ARSB: variants seen among roughly 807,000 people sequenced by gnomAD.
ARSB encodes N-acetylgalactosamine-4-sulfatase.
ARSB carries 41 observed loss-of-function variants against 50.9 expected under a neutral mutation model. The ratio of observed to expected loss-of-function variants is 0.81; its 90% confidence interval spans 0.63 to 1.04. The LOEUF (loss-of-function observed/expected upper bound fraction) is 1.04, where lower values mean the gene tolerates loss of function less well. Among genes scored for constraint, ARSB ranks in the 50% least tolerant of loss-of-function variants. The probability of loss-of-function intolerance (pLI) is 0.00; values close to 1 mark genes in which losing one functional copy is unlikely to be tolerated. For missense variants in ARSB, 672 were observed against 693.3 expected (o/e 0.97, Z 0.35); for synonymous variants, 269 against 284.8 (o/e 0.94, Z 0.56).
upstream of ARSB, chr5:78,985,380 C>T: frequency 1.1e-6 from 1 of 900,468 alleles, no homozygotes. Flanking sequence ...CGTGGGCTTG[C>T]GAGGCCGGGC....
At chr5:78,920,364 C>T (rs765922575) in intron 4 of ARSB, among the ~76,000 whole-genome samples, 40 of 152,076 alleles carry the variant, frequency 2.6e-4, no homozygotes, top group Non-Finnish European at 5.4e-4. Context: ...AGCAACATAG[C>T]AAGACTGTCT....
At chr5:78,955,753 T>C (rs539357576) in intron 3 of ARSB, among the ~76,000 whole-genome samples, 5 of 152,258 alleles carry the variant, frequency 3.3e-5, no homozygotes, top group South Asian at 2.1e-4. Context: ...CCAAAGAGGA[T>C]ACACAAAAGG....
chr5:78,971,103 C>T (rs1752435825), intron 1 of ARSB, among the ~76,000 whole-genome samples: 2 of 152,220 alleles, frequency 1.3e-5, no homozygotes, highest in African/African-American at 4.8e-5. Context: ...TTCAAAGGCC[C>T]TGAGACCTGA....
chr5:78,958,436 A>T lies in ARSB; in HGVS notation c.691-2934T>A, dbSNP rs117131699. Among the ~76,000 whole-genome samples the T allele has an allele frequency of 2.8e-4, 42 of 151,412 alleles. No homozygotes were observed. In the East Asian group the frequency reaches 8.1e-3, roughly 29 times the overall value. Reference sequence around the variant, plus strand: ...GGGAGTTCTTGAACAATGACCAGGGAAAAAAAGATTTGGGGATCATTATTA... The same window carrying T: ...GGGAGTTCTTGAACAATGACCAGGGTAAAAAAGATTTGGGGATCATTATTA... On this transcript the variant is annotated intron_variant, in intron 3 of 7. Transcript: ENST00000264914.
intron 5 of ARSB, among the ~76,000 whole-genome samples, chr5:78,871,313 T>A (rs1207417000): frequency 6.6e-6 from 1 of 152,156 alleles, no homozygotes; most frequent in Non-Finnish European, 1.5e-5. Context: ...TGGAAAAAAC[T>A]ACTTTCAAGT....
intron 1 of ARSB, among the ~76,000 whole-genome samples, chr5:78,975,812 C>A (rs923793690): frequency 6.6e-6 from 1 of 152,188 alleles, no homozygotes; most frequent in Non-Finnish European, 1.5e-5. Flanking sequence ...TTGTCCAACA[C>A]TGAGTGCTTC....
intron 6 of ARSB, among the ~76,000 whole-genome samples, chr5:78,836,760 G>A (rs1744971840): frequency 6.6e-6 from 1 of 152,146 alleles, no homozygotes; most frequent in African/African-American, 2.4e-5. Context: ...GTCCGTCCTT[G>A]CATTGTTATA....
chr5:78,938,796 T>C (rs1750752227), intron 4 of ARSB, among the ~76,000 whole-genome samples: 1 of 152,230 alleles, frequency 6.6e-6, no homozygotes, highest in Non-Finnish European at 1.5e-5. Flanking sequence ...AAATCACATG[T>C]AATATTGTGA....
At chr5:78,859,854 C>G (rs1187677213) in intron 5 of ARSB, among the ~76,000 whole-genome samples, 1 of 152,024 alleles carries the variant, frequency 6.6e-6, no homozygotes, top group Non-Finnish European at 1.5e-5. Context: ...TGGAAGAGAT[C>G]AGGCATGAGA....
At chr5:78,930,826 T>G (rs1355405575) in intron 4 of ARSB, among the ~76,000 whole-genome samples, 1 of 152,244 alleles carries the variant, frequency 6.6e-6, no homozygotes, top group Non-Finnish European at 1.5e-5. Flanking sequence ...CTCATGCTTC[T>G]GAAAGCAATG....
At chr5:78,812,835 ACAAAAAT>A (rs1400581098) in intron 6 of ARSB, among the ~76,000 whole-genome samples, 2 of 152,008 alleles carry the variant, frequency 1.3e-5, no homozygotes, top group Non-Finnish European at 2.9e-5. Flanking sequence ...TCTACAAAAT[ACAAAAAT>A]TAACCGGGCA....
chr5:78,874,779 A>G (rs1747410666), intron 5 of ARSB, among the ~76,000 whole-genome samples: 1 of 152,202 alleles, frequency 6.6e-6, no homozygotes, highest in Admixed American at 6.5e-5. Context: ...TGATGTGGAC[A>G]ACAAGAAAGA....
At chr5:78,956,497 G>A (rs1751733980) in intron 3 of ARSB, among the ~76,000 whole-genome samples, 1 of 152,096 alleles carries the variant, frequency 6.6e-6, no homozygotes, top group Non-Finnish European at 1.5e-5. Flanking sequence ...TACTTTAAAT[G>A]AGTGAATTTT....
intron 5 of ARSB, among the ~76,000 whole-genome samples, chr5:78,852,920 G>A (rs1745906362): frequency 6.6e-6 from 1 of 152,098 alleles, no homozygotes; most frequent in South Asian, 2.1e-4. Context: ...GCTCCTTTAA[G>A]CACTTCTCTG....
chr5:78,975,721 T>C (rs1752636172), intron 1 of ARSB, among the ~76,000 whole-genome samples: 1 of 152,222 alleles, frequency 6.6e-6, no homozygotes, highest in African/African-American at 2.4e-5. Context: ...AGAAATGACA[T>C]GGCAATTTCA....
At chr5:78,876,092 G>C (rs893134178) in intron 5 of ARSB, among the ~76,000 whole-genome samples, 11 of 151,884 alleles carry the variant, frequency 7.2e-5, no homozygotes, top group African/African-American at 1.9e-4. Context: ...CTAATCAAAA[G>C]ATTAATCAAA....
chr5:78,975,235 A>C (rs1445120421), intron 1 of ARSB, among the ~76,000 whole-genome samples: 2 of 152,250 alleles, frequency 1.3e-5, no homozygotes, highest in Non-Finnish European at 2.9e-5. Context: ...GGAGGACAAG[A>C]AGCAGGAAAG....
intron 5 of ARSB, among the ~76,000 whole-genome samples, chr5:78,846,832 G>A (rs1347752326): frequency 6.6e-6 from 1 of 152,118 alleles, no homozygotes; most frequent in Non-Finnish European, 1.5e-5. Flanking sequence ...TGTTTCAGAT[G>A]TTAGGGGAAA....
rs1299317865 is a variant in ARSB, at chr5:78,851,569, A to G, written c.1143-12143T>C. On this transcript the variant is annotated intron_variant, in intron 5 of 7. Transcript: ENST00000264914. ...GGGGTGGAGAGGTCTGTAGATGTCT[A>G]TTAGGTCCGCTTGGTGCAGAGCTGA... is the stretch of plus-strand genomic sequence containing the variant. Among the ~76,000 whole-genome samples the G allele has an allele frequency of 2.0e-5, 3 of 152,224 alleles. No individual in the cohort carries two copies. In the East Asian group the frequency reaches 5.8e-4, roughly 29 times the overall value.
Sources: gnomAD v4.1 joint callset for allele counts (sites outside exome capture counted in the v4.1 genomes callset) on GRCh38, gnomAD v4.1.1 for gene constraint, MANE v1.5 for transcripts, NCBI Gene and HGNC (gene_info 2026-07-23, HGNC 2026-07-21) for gene names.